Variants in COPS3 observed in about 807,000 individuals in gnomAD.
The protein encoded by COPS3 is COP9 signalosome subunit 3.
Under a neutral mutation model 58.2 loss-of-function variants are expected in COPS3, and 10 were observed. The observed-to-expected ratio is 0.17, with a 90% confidence interval of 0.11 to 0.29. The LOEUF is 0.29. Ranked by LOEUF, COPS3 falls within the 10% of genes least tolerant of loss-of-function variation. The probability of loss-of-function intolerance (pLI) is 1.00; values close to 1 mark genes in which losing one functional copy is unlikely to be tolerated. For missense variants in COPS3, 333 were observed against 510.1 expected, an observed-to-expected ratio of 0.65 and a Z score of 3.34; for synonymous variants, 187 against 181.7, an observed-to-expected ratio of 1.03 and a Z score of -0.24.
chr17:17,279,665 C>A (rs541260824), intron 1 of COPS3, among the ~76,000 whole-genome samples: 3 of 152,328 alleles, frequency 2.0e-5, no homozygotes, highest in African/African-American at 7.2e-5. Flanking sequence ...CAAGGTCAAG[C>A]AGCTCCTAGA....
intron 10 of COPS3, 109 bp downstream of exon 10, chr17:17,248,817 C>T (rs1284692501): frequency 6.0e-6 from 4 of 664,614 alleles, no homozygotes; most frequent in Non-Finnish European, 1.0e-5. Context: ...TGTTCACAGA[C>T]TGGGAACTAC....
chr17:17,278,480 C>T (rs571619946), intron 1 of COPS3, among the ~76,000 whole-genome samples: 28 of 152,214 alleles, frequency 1.8e-4, no homozygotes, highest in African/African-American at 6.0e-4. Flanking sequence ...ACATGCATTA[C>T]AAAACAAGAA....
At chr17:17,251,461 A>AT (rs202060799) in intron 9 of COPS3, among the ~76,000 whole-genome samples, 9 of 148,652 alleles carry the variant, frequency 6.1e-5, no homozygotes, top group Middle Eastern at 3.5e-3. Flanking sequence ...TGCCTAGCTA[A>AT]TTTTTTTTGT....
At position 17,270,992 on chromosome 17, in the gene COPS3, T is replaced by C. The variant is rs568865382; in HGVS notation, c.202A>G (p.Met68Val). ...GTTTCGAAGTCAGGAACACTGGGCA[T>C]AGAAAACTTCACAAACCTAGAATAA... ...VLAVLFVKFS[M>V]PSVPDFETLF... The change falls in exon 3 of 12, where the codon ATG (methionine) becomes GTG (valine). Residue 68 changes from methionine to valine, a missense_variant. Transcript: ENST00000268717. 4.2e-5 allele frequency: 68 copies of C among 1,613,730 alleles called. No individual in the cohort carries two copies. In the South Asian group the frequency reaches 6.1e-4, roughly 15 times the overall value.
chr17:17,247,675 C>T, intron 10 of COPS3, 115 bp from the exon 11 acceptor site: 4 of 982,070 alleles, frequency 4.1e-6, no homozygotes, highest in Non-Finnish European at 6.1e-6. Context: ...GATGTGAAAC[C>T]CCTGGGGCCA....
chr17:17,255,524 A>G (rs2145200373), intron 8 of COPS3, among the ~76,000 whole-genome samples: 1 of 148,776 alleles, frequency 6.7e-6, no homozygotes, highest in South Asian at 2.1e-4. Context: ...ATTGATGTAC[A>G]GAATAGATTT....
intron 1 of COPS3, among the ~76,000 whole-genome samples, chr17:17,278,742 G>C (rs763206561): frequency 1.3e-5 from 2 of 152,084 alleles, no homozygotes; most frequent in Non-Finnish European, 1.5e-5. Context: ...TGAAATAAAA[G>C]CTGGGTCACT....
chr17:17,265,077 ATGTAAT>A (rs2048191403), intron 5 of COPS3, 96 bp from the exon 6 acceptor site: 1 of 1,084,542 alleles, frequency 9.2e-7, no homozygotes, highest in Non-Finnish European at 1.4e-6. Context: ...TTTCCAAATA[ATGTAAT>A]TGTGTTTTAC....
chr17:17,280,701 C>T, intron 1 of COPS3: 2 of 1,265,094 alleles, frequency 1.6e-6, no homozygotes, highest in Non-Finnish European at 1.0e-6. Flanking sequence ...ACGGACTCGC[C>T]TCCCGCCCGC....
At chr17:17,270,628 G>A (rs1170059491) in intron 4 of COPS3, 130 bp downstream of exon 4, 2 of 808,740 alleles carry the variant, frequency 2.5e-6, no homozygotes, top group South Asian at 1.8e-5. Flanking sequence ...GGCTGTGAGT[G>A]CTCTCAAGTG....
At chr17:17,254,577 C>T (rs767054986) in intron 9 of COPS3, among the ~76,000 whole-genome samples, 8 of 151,614 alleles carry the variant, frequency 5.3e-5, no homozygotes, top group Non-Finnish European at 1.0e-4. Flanking sequence ...TTTGGGAGCC[C>T]GAGGCGGGCA....
At chr17:17,269,335 G>A (rs1415565804) in intron 4 of COPS3, among the ~76,000 whole-genome samples, 1 of 152,216 alleles carries the variant, frequency 6.6e-6, no homozygotes, top group East Asian at 1.9e-4. Flanking sequence ...TGAGGCAGAA[G>A]AACTGCTTGA....
At chr17:17,273,850 C>T (rs560858834) in intron 2 of COPS3, among the ~76,000 whole-genome samples, 150 of 152,066 alleles carry the variant, frequency 9.9e-4, no homozygotes, top group Non-Finnish European at 1.8e-3. Flanking sequence ...AGACCTTGTC[C>T]CCCCAAAAGA....
intron 1 of COPS3, among the ~76,000 whole-genome samples, chr17:17,278,362 T>A (rs534111895): frequency 4.7e-4 from 72 of 152,334 alleles, no homozygotes; most frequent in Admixed American, 9.8e-4. Context: ...GAATACAACA[T>A]AGTATAATGC....
intron 9 of COPS3, among the ~76,000 whole-genome samples, chr17:17,253,488 G>A (rs904885127): frequency 3.3e-5 from 5 of 152,164 alleles, no homozygotes; most frequent in African/African-American, 1.2e-4. Flanking sequence ...AAATGCAACT[G>A]GCAGGTGATA....
At position 17,260,427 on chromosome 17, in the gene COPS3, G is replaced by A. The variant is rs531825543; in HGVS notation, c.810C>T (p.Asn270=). Residue 270 remains asparagine, a synonymous_variant, in exon 8 of 12, where the codon AAC becomes AAT. Transcript: ENST00000268717. ...CCAGGTTTCGGAGTTCTGAGGGGTT[G>A]TTGGTTGAATACACTTGTGCTAACT... ...YHELAQVYST[N]NPSELRNLVN... 1.9e-6 allele frequency: 3 copies of A among 1,614,200 alleles called. No homozygotes were observed. The Admixed American group carries it at 5.0e-5, about 27-fold the overall frequency.
At chr17:17,255,478 T>C (rs1466536415) in intron 8 of COPS3, among the ~76,000 whole-genome samples, 2 of 28,748 alleles carry the variant, frequency 7.0e-5, no homozygotes, top group Non-Finnish European at 1.3e-4. Flanking sequence ...AGAGCAAGAC[T>C]CTATTTCAAA....
At chr17:17,259,170 C>G (rs553925299) in intron 8 of COPS3, among the ~76,000 whole-genome samples, 86 of 152,262 alleles carry the variant, frequency 5.6e-4, no homozygotes, top group African/African-American at 2.0e-3. Context: ...ATTCTGGTTC[C>G]TTGGCTCGTC....
rs548626763 is a variant in COPS3 at position 17,275,255 on chromosome 17, T to C, written c.185+780A>G. ...ACAGGCATGCGCCAACACACCCGGC[T>C]AGTTTTTTTATTAGTAGAGACAGGG... On this transcript the variant is annotated intron_variant, in intron 2 of 11. Transcript: ENST00000268717. Among the ~76,000 whole-genome samples, 7 of 151,912 alleles carry C rather than the reference T, an allele frequency of 4.6e-5. 1 individual carries two copies. In the East Asian group the frequency reaches 1.2e-3, roughly 25 times the overall value.
Sources: gnomAD v4.1 joint callset for allele counts (sites outside exome capture counted in the v4.1 genomes callset) on GRCh38, gnomAD v4.1.1 for gene constraint, MANE v1.5 for transcripts, NCBI Gene and HGNC (gene_info 2026-07-23, HGNC 2026-07-21) for gene names.